Variants in ZFHX3 observed in about 807,000 individuals in gnomAD.
The protein encoded by ZFHX3 is zinc finger homeobox 3.
ZFHX3 carries 42 observed loss-of-function variants against 279.1 expected under a neutral mutation model. That is an observed-to-expected ratio of 0.15 (90% CI 0.12 to 0.19). The LOEUF (loss-of-function observed/expected upper bound fraction) is 0.19. ZFHX3 is among the 10% of genes least tolerant of loss of function. The pLI, the probability that ZFHX3 is intolerant of heterozygous loss-of-function variation, is 1.00. For synonymous variants in ZFHX3, 2,293 were observed against 1,957.8 expected, an observed-to-expected ratio of 1.17 and a Z score of -4.52; for missense variants, 4,981 against 4,754.0, an observed-to-expected ratio of 1.05 and a Z score of -1.40.
intron 5 of ZFHX3, among the ~76,000 whole-genome samples, chr16:73,240,821 T>C (rs1237210788): frequency 6.6e-6 from 1 of 152,202 alleles, no homozygotes; most frequent in Non-Finnish European, 1.5e-5. Flanking sequence ...TATCAGGATA[T>C]ACTAGTGAAA....
At chr16:73,745,756 G>A (rs185565647) in intron 1 of ZFHX3, among the ~76,000 whole-genome samples, 123 of 152,234 alleles carry the variant, frequency 8.1e-4, no homozygotes, top group African/African-American at 2.6e-3. Context: ...TGCCAACTCT[G>A]ACCCATTGGT....
At position 72,958,501 on chromosome 16, in the gene ZFHX3, A is replaced by T; in HGVS notation, c.1645T>A (p.Ser549Thr). 6.2e-7 allele frequency: 1 copy of T among 1,614,124 alleles called. No individual in the cohort carries two copies. The highest frequency in any genetic ancestry group is 8.5e-7 in the Non-Finnish European group (1 of 1,180,034). Reference protein sequence around the residue: ...VLQTLSRGTASTSSNSASSFV... With the variant: ...VLQTLSRGTATTSSNSASSFV... Reference sequence around the variant, plus strand: ...GAAGAAGCAGAATTAGAACTAGTAGAAGCTGTGCCCCTCGACAGGGTCTGG... The same window carrying T: ...GAAGAAGCAGAATTAGAACTAGTAGTAGCTGTGCCCCTCGACAGGGTCTGG... Residue 549 changes from serine (S) to threonine (T), a missense_variant, in exon 2 of 10, where the codon TCT (serine) becomes ACT (threonine). By Grantham distance (58) the Ser-to-Thr change is moderately conservative. Coordinates refer to ENST00000268489, the MANE Select transcript of ZFHX3 (RefSeq NM_006885.4).
At chr16:73,703,656 T>G (rs1050476221) in intron 1 of ZFHX3, among the ~76,000 whole-genome samples, 1 of 151,900 alleles carries the variant, frequency 6.6e-6, no homozygotes, top group Non-Finnish European at 1.5e-5. Flanking sequence ...ATTTCATGAG[T>G]AAGAAAGATT....
intron 1 of ZFHX3, among the ~76,000 whole-genome samples, chr16:73,007,689 C>A (rs903390324): frequency 6.6e-6 from 1 of 152,114 alleles, no homozygotes; most frequent in African/African-American, 2.4e-5. Context: ...TCGTGATCCA[C>A]CCGCCGCGGC....
intron 5 of ZFHX3, among the ~76,000 whole-genome samples, chr16:73,215,755 C>T (rs1034686465): frequency 6.6e-6 from 1 of 152,102 alleles, no homozygotes; most frequent in Non-Finnish European, 1.5e-5. Context: ...ACACATTTTG[C>T]CTGTGACTTT....
chr16:72,869,196 A>T (rs967561935), intron 4 of ZFHX3, among the ~76,000 whole-genome samples: 1 of 152,172 alleles, frequency 6.6e-6, no homozygotes, highest in Non-Finnish European at 1.5e-5. Flanking sequence ...CCTTACATTT[A>T]AAAAATACTG....
chr16:72,901,644 C>G (rs1347511322), intron 3 of ZFHX3, among the ~76,000 whole-genome samples: 1 of 152,126 alleles, frequency 6.6e-6, no homozygotes, highest in Non-Finnish European at 1.5e-5. Flanking sequence ...TCCTTAAATT[C>G]CATTTGTTTT....
chr16:73,740,268 G>A (rs2142258953), intron 1 of ZFHX3, among the ~76,000 whole-genome samples: 1 of 152,250 alleles, frequency 6.6e-6, no homozygotes, highest in Admixed American at 6.5e-5. Flanking sequence ...TGGGCACTGG[G>A]CTTGCTTTGT....
At chr16:73,643,607 T>A (rs541751868) in intron 2 of ZFHX3, among the ~76,000 whole-genome samples, 7 of 152,326 alleles carry the variant, frequency 4.6e-5, no homozygotes, top group African/African-American at 1.7e-4. Flanking sequence ...GAAGACTGCT[T>A]CAAAACTCAA....
chr16:73,394,407 T>C (rs1283162023), intron 3 of ZFHX3, among the ~76,000 whole-genome samples: 2 of 152,094 alleles, frequency 1.3e-5, no homozygotes, highest in Admixed American at 6.6e-5. Flanking sequence ...CTGATTTTTG[T>C]GCCTCATCCT....
chr16:73,872,590 C>T (rs1424731624), intron 1 of ZFHX3, among the ~76,000 whole-genome samples: 1 of 151,208 alleles, frequency 6.6e-6, no homozygotes, highest in East Asian at 2.0e-4. Flanking sequence ...TCTGCATGCC[C>T]TCTGAATAGT....
At position 73,815,354 on chromosome 16, in the gene ZFHX3, T is replaced by C. The variant is rs16972626; in HGVS notation, c.-1608+76297A>G. 5.8e-3 allele frequency among the ~76,000 whole-genome samples: 889 copies of C among 152,274 alleles called. 9 individuals carry two copies. Among genetic ancestry groups the C allele is most frequent in the African/African-American group, 0.02 (845 of 41,546 alleles). On this transcript the variant is annotated intron_variant, in intron 1 of 17. Transcript: ENST00000641206. ...CCTGTAGCCACATCTATACTTAGTG[T>C]AAACCTGAACTTGGCAACAGAAAAC...
At chr16:73,107,811 T>G (rs561015959) in intron 7 of ZFHX3, among the ~76,000 whole-genome samples, 1 of 152,082 alleles carries the variant, frequency 6.6e-6, no homozygotes, top group South Asian at 2.1e-4. Flanking sequence ...GCCTAGGAGT[T>G]TGAGGGCAGC....
intron 3 of ZFHX3, among the ~76,000 whole-genome samples, chr16:73,343,826 C>A (rs2016078823): frequency 6.6e-6 from 1 of 152,222 alleles, no homozygotes; most frequent in Non-Finnish European, 1.5e-5. Flanking sequence ...GGATTACAAT[C>A]CCTTGAATAA....
intron 3 of ZFHX3, among the ~76,000 whole-genome samples, chr16:73,444,245 T>C (rs2018143746): frequency 6.6e-6 from 1 of 152,242 alleles, no homozygotes; most frequent in African/African-American, 2.4e-5. Context: ...CCCTCTGCCA[T>C]GAATATACAC....
chr16:72,945,303 C>T (rs1227627075), intron 3 of ZFHX3, among the ~76,000 whole-genome samples: 1 of 152,134 alleles, frequency 6.6e-6, no homozygotes, highest in African/African-American at 2.4e-5. Context: ...ACAAGCCCTG[C>T]CCCCCAAACT....
At chr16:73,465,186 A>C (rs1019407622) in intron 2 of ZFHX3, among the ~76,000 whole-genome samples, 1 of 152,210 alleles carries the variant, frequency 6.6e-6, no homozygotes, top group African/African-American at 2.4e-5. Context: ...CTTGGAGTTC[A>C]TAGTTATTAT....
chr16:73,277,527 T>C (rs767731269), intron 4 of ZFHX3, among the ~76,000 whole-genome samples: 1 of 152,182 alleles, frequency 6.6e-6, no homozygotes, highest in Non-Finnish European at 1.5e-5. Flanking sequence ...ACTCCCCAAA[T>C]TGTCGATGAA....
At chr16:73,525,418 T>C (rs1016686524) in intron 2 of ZFHX3, among the ~76,000 whole-genome samples, 1 of 152,176 alleles carries the variant, frequency 6.6e-6, no homozygotes, top group Admixed American at 6.5e-5. Context: ...TTGTGCAAAC[T>C]CAACCCTATC....
Sources: allele counts gnomAD v4.1 joint callset (sites outside exome capture counted in the v4.1 genomes callset), GRCh38; gene constraint gnomAD v4.1.1; transcripts MANE v1.5; gene names NCBI Gene and HGNC (gene_info 2026-07-23, HGNC 2026-07-21).